SWI5: variants seen among roughly 807,000 people sequenced by gnomAD.
SWI5 encodes DNA repair protein SWI5 homolog.
In SWI5, 12 loss-of-function variants were observed where a neutral mutation model predicts 17.0. The observed-to-expected ratio is 0.71, with a 90% CI of 0.45 to 1.14. The LOEUF (loss-of-function observed/expected upper bound fraction) is 1.14. SWI5 is among the 50% of genes most tolerant of loss of function. The probability of loss-of-function intolerance (pLI) is 0.00; values close to 1 mark genes in which losing one functional copy is unlikely to be tolerated. For synonymous variants in SWI5, 61 were observed against 64.0 expected, an observed-to-expected ratio of 0.95 and a Z score of 0.22; for missense variants, 158 against 162.2, an observed-to-expected ratio of 0.97 and a Z score of 0.14.
intron 4 of SWI5, among the ~76,000 whole-genome samples, chr9:128,286,927 C>T (rs1831649337): frequency 1.3e-5 from 2 of 151,968 alleles, no homozygotes; most frequent in African/African-American, 4.8e-5. Flanking sequence ...AAGTGGATCA[C>T]CTGAGGTTGG....
upstream of SWI5, chr9:128,275,489 G>A: frequency 4.6e-6 from 6 of 1,305,140 alleles, no homozygotes; most frequent in Non-Finnish European, 5.9e-6. Flanking sequence ...GGTTTGGGGC[G>A]GCAGGAGGTG....
rs11306272 is a variant in SWI5 at position 128,281,028 on chromosome 9, C to CTTTT, written c.112-3456_112-3453dup. 3.9e-4 allele frequency among the ~76,000 whole-genome samples: 17 copies of CTTTT among 43,772 alleles called. 2 individuals are homozygous for CTTTT. The highest frequency in any genetic ancestry group is 9.5e-4 in the African/African-American group (13 of 13,616). 28.7% of individuals were successfully genotyped at this position (43,772 alleles called of 152,430 possible). A position where few individuals can be genotyped will look rare whatever the true frequency, so the allele number is the denominator to read the frequency against. The stretch of plus-strand genomic sequence containing the variant: ...CGTGTTCAATACAGATTCAACCATG[C>CTTTT]TTTTTTTTTTTTTTTTTTTTTTTTT... On this transcript the variant is annotated intron_variant, in intron 2 of 4. Transcript: ENST00000418976.
intron 4 of SWI5, chr9:128,286,249 G>A (rs953226304): frequency 1.7e-5 from 9 of 521,284 alleles, no homozygotes; most frequent in Non-Finnish European, 3.1e-5. Flanking sequence ...CTTTGGAGCC[G>A]CAGCCAGGTT....
chr9:128,276,316 G>A (rs766049606), exon 1 of SWI5: 1 of 1,613,054 alleles, frequency 6.2e-7, no homozygotes, highest in Non-Finnish European at 8.5e-7. Flanking sequence ...CGGTGCACCT[G>A]AGAGGTCGCT....
intron 2 of SWI5, 137 bp downstream of exon 2, chr9:128,276,892 G>A (rs1261005450): frequency 4.5e-6 from 4 of 893,538 alleles, no homozygotes; most frequent in African/African-American, 1.7e-5. Flanking sequence ...ACTGAGAACC[G>A]CCAGGTCATT....
At chr9:128,288,551 G>C in intron 4 of SWI5, 101 bp from the exon 5 acceptor site, 2 of 1,228,948 alleles carry the variant, frequency 1.6e-6, no homozygotes, top group Non-Finnish European at 2.4e-6. Context: ...AGCCAGAGGT[G>C]GTCCTGGGTG....
rs139808620 is a variant in SWI5, at chr9:128,286,989, T to C, written c.328+956T>C. 6.1e-4 allele frequency among the ~76,000 whole-genome samples: 92 copies of C among 151,414 alleles called. 1 individual carries two copies. The East Asian group carries it at 0.017, about 28-fold the overall frequency. On this transcript the variant is annotated intron_variant, in intron 4 of 4. Coordinates refer to ENST00000418976, the Ensembl canonical transcript of SWI5. ...GGAGAAACTGTCTCTACTAAAAATATAAAATTAGCCAGGCATGGTGGCACA... is the reference window on the plus strand; with the variant it reads ...GGAGAAACTGTCTCTACTAAAAATACAAAATTAGCCAGGCATGGTGGCACA...
upstream of SWI5, chr9:128,275,992 AACCACTGCGG>A: frequency 6.3e-7 from 1 of 1,598,792 alleles, no homozygotes; most frequent in Non-Finnish European, 8.5e-7. Flanking sequence ...CGATCCCGGC[AACCACTGCGG>A]AAGTCAGTCA....
At chr9:128,282,578 A>G (rs1310524816) in intron 2 of SWI5, among the ~76,000 whole-genome samples, 1 of 152,108 alleles carries the variant, frequency 6.6e-6, no homozygotes, top group Non-Finnish European at 1.5e-5. Flanking sequence ...CTTTGGGGCT[A>G]GGCTATGCCT....
intron 3 of SWI5, among the ~76,000 whole-genome samples, chr9:128,284,845 A>C (rs1358494457): frequency 6.6e-6 from 1 of 151,502 alleles, no homozygotes; most frequent in Non-Finnish European, 1.5e-5. Flanking sequence ...AGTCCCAGCT[A>C]CTTGGGAGGC....
chr9:128,286,010 G>A, exon 4 of SWI5: 1 of 1,613,984 alleles, frequency 6.2e-7, no homozygotes, highest in Non-Finnish European at 8.5e-7. Flanking sequence ...AAGGATGTGG[G>A]GCAGATGCTG....
At chr9:128,284,930 TGG>T (rs902396996) in intron 3 of SWI5, among the ~76,000 whole-genome samples, 3 of 133,476 alleles carry the variant, frequency 2.2e-5, no homozygotes, top group African/African-American at 8.9e-5. Context: ...CACTCCAGCC[TGG>T]GCGATGGAGT....
chr9:128,275,527 G>A (rs1831273763), upstream of SWI5: 3 of 1,293,298 alleles, frequency 2.3e-6, no homozygotes, highest in African/African-American at 1.5e-5. Context: ...GGGGGGCCCC[G>A]GGAGTCACGG....
intron 2 of SWI5, 109 bp from the exon 3 acceptor site, chr9:128,284,401 T>A (rs955767242): frequency 5.2e-6 from 7 of 1,351,088 alleles, no homozygotes; most frequent in Non-Finnish European, 7.0e-6. Context: ...ATTGAGGGGG[T>A]TAGGGTGCCT....
At chr9:128,286,130 A>G (rs1823442916) in intron 4 of SWI5, 97 bp downstream of exon 4, 1 of 849,504 alleles carries the variant, frequency 1.2e-6, no homozygotes, top group African/African-American at 1.6e-5. Context: ...CAGCTTGCCA[A>G]CCGTCACACC....
At chr9:128,282,764 C>T (rs544944054) in intron 2 of SWI5, among the ~76,000 whole-genome samples, 3 of 152,356 alleles carry the variant, frequency 2.0e-5, no homozygotes, top group South Asian at 2.1e-4. Flanking sequence ...GTGTAGACAG[C>T]TCATCCAACA....
At chr9:128,276,350 C>G in exon 1 of SWI5, 1 of 1,613,392 alleles carries the variant, frequency 6.2e-7, no homozygotes, top group African/African-American at 1.3e-5. Flanking sequence ...GCTGGACCCT[C>G]TTGCGCCATT....
upstream of SWI5, chr9:128,276,068 A>G: frequency 1.3e-6 from 2 of 1,576,298 alleles, no homozygotes; most frequent in Non-Finnish European, 1.7e-6. Flanking sequence ...GCGATACTGG[A>G]GCGCAGAATG....
upstream of SWI5, chr9:128,275,989 G>A (rs1370078406): frequency 2.4e-5 from 38 of 1,598,100 alleles, no homozygotes; most frequent in Non-Finnish European, 3.1e-5. Context: ...GCGCGATCCC[G>A]GCAACCACTG....
Sources: allele counts gnomAD v4.1 joint callset (sites outside exome capture counted in the v4.1 genomes callset), GRCh38; gene constraint gnomAD v4.1.1; transcripts MANE v1.5; gene names NCBI Gene and HGNC (gene_info 2026-07-23, HGNC 2026-07-21).